The following TGFB1 variants were observed in gnomAD, a reference collection of about 807,000 sequenced individuals.
The protein encoded by TGFB1 is transforming growth factor beta-1 proprotein.
In TGFB1, 19 loss-of-function variants were observed where a neutral mutation model predicts 43.8. That is an observed-to-expected ratio of 0.43 (90% CI 0.30 to 0.64). TGFB1 has a LOEUF of 0.64. TGFB1 is among the 30% of genes least tolerant of loss of function. TGFB1 has a pLI of 0.11. For missense variants in TGFB1, 445 were observed against 529.8 expected, an observed-to-expected ratio of 0.84 and a Z score of 1.57; for synonymous variants, 221 against 236.3, an observed-to-expected ratio of 0.94 and a Z score of 0.60.
At position 41,332,139 on chromosome 19, in the gene TGFB1, G is replaced by T. The variant is rs1214074656; in HGVS notation, c.1003C>A (p.Gln335Lys). 6.2e-7 allele frequency: 1 copy of T among 1,613,814 alleles called. No individual in the cohort carries two copies. Among genetic ancestry groups the T allele is most frequent in the Non-Finnish European group, 8.5e-7 (1 of 1,179,856 alleles). The change falls in exon 6 of 7, where the codon CAG becomes AAG. Residue 335 changes from glutamine to lysine, a missense_variant. Physicochemically the swap from Gln to Lys is moderately conservative, Grantham distance 53. Coordinates refer to ENST00000221930, the MANE Select transcript of TGFB1 (RefSeq NM_000660.7). ...PCPYIWSLDT[Q>K]YSKVLALYNQ... ...TGGGCCAGACGTACCTTGCTGTACT[G>T]CGTGTCCAGGCTCCAAATGTAGGGG...
intron 1 of TGFB1, among the ~76,000 whole-genome samples, chr19:41,350,454 C>T (rs530570081): frequency 7.5e-4 from 114 of 151,862 alleles, no homozygotes; most frequent in Admixed American, 2.2e-3. Context: ...ACAGGCGCCG[C>T]CCGCCACCCC....
At chr19:41,340,746 G>T (rs369933319) in intron 5 of TGFB1, among the ~76,000 whole-genome samples, 2 of 152,094 alleles carry the variant, frequency 1.3e-5, no homozygotes, top group Non-Finnish European at 1.5e-5. Flanking sequence ...AATATTCAAG[G>T]ACTCCAATCT....
In TGFB1 at chr19:41,352,920, T is replaced by A; in HGVS notation, c.125A>T (p.Lys42Met). 6.4e-7 allele frequency: 1 copy of A among 1,557,454 alleles called. No individual in the cohort carries two copies. Among genetic ancestry groups the A allele is most frequent in the Non-Finnish European group, 8.7e-7 (1 of 1,152,360 alleles). Reference sequence around the variant, plus strand: ...GCGGATGGCCTCGATGCGCTTCCGCTTCACCAGCTCCATGTCGATAGTCTT... The same window carrying A: ...GCGGATGGCCTCGATGCGCTTCCGCATCACCAGCTCCATGTCGATAGTCTT... ...TCKTIDMELV[K>M]RKRIEAIRGQ... is the part of the protein sequence containing the mutation. The change falls in exon 1 of 7, where the codon AAG becomes ATG. Residue 42 changes from lysine (K) to methionine (M), a missense_variant. This residue lies in a region of TGFB1 where 366 missense variants were observed against 428.8 expected (regional missense o/e 0.85). Transcript: ENST00000221930.
intron 5 of TGFB1, among the ~76,000 whole-genome samples, chr19:41,338,987 C>T (rs1158782729): frequency 7.2e-6 from 1 of 139,744 alleles, no homozygotes; most frequent in Non-Finnish European, 1.6e-5. Context: ...TGTGTGTGTG[C>T]TTTCCCCTTC....
intron 5 of TGFB1, among the ~76,000 whole-genome samples, chr19:41,339,850 C>T (rs1239339844): frequency 6.6e-6 from 1 of 152,032 alleles, no homozygotes; most frequent in Non-Finnish European, 1.5e-5. Flanking sequence ...TGTTCATTGA[C>T]AGCGTTGCTG....
intron 1 of TGFB1, chr19:41,350,710 G>C (rs1372889136): frequency 6.6e-6 from 1 of 152,328 alleles, no homozygotes; most frequent in Non-Finnish European, 1.5e-5. Flanking sequence ...CCCATAGTGG[G>C]GGTGTGAAAA....
At chr19:41,347,023 G>A (rs561093512) in intron 2 of TGFB1, among the ~76,000 whole-genome samples, 12 of 150,690 alleles carry the variant, frequency 8.0e-5, no homozygotes, top group African/African-American at 2.9e-4. Flanking sequence ...ACCACGCCTG[G>A]CCTATATATA....
Position 41,353,837 on chromosome 19 carries a change from GC to G in TGFB1, c.-794del. 1 of 154,720 alleles carries G rather than the reference GC, an allele frequency of 6.5e-6. No individual in the cohort carries two copies. Among genetic ancestry groups the G allele is most frequent in the East Asian group, 1.9e-4 (1 of 5,264 alleles). The allele number at this position is 154,720 out of a possible 1,614,324, so 9.6% of individuals were successfully genotyped here. A position where few individuals can be genotyped will look rare whatever the true frequency, so the allele number is the denominator to read the frequency against. ...GTGCCCCGGACGGGGCGTCCCCCCT[GC>G]CCCCGGCCGGGGCCCTCGCTGTCTG... On this transcript the variant is annotated 5_prime_UTR_variant, in exon 1 of 7. Transcript: ENST00000221930. The surrounding 1 kb of genome is among the most constrained non-coding windows in gnomAD (Gnocchi z 5.9).
intron 3 of TGFB1, among the ~76,000 whole-genome samples, chr19:41,343,259 C>T (rs995665805): frequency 3.9e-5 from 6 of 152,020 alleles, no homozygotes; most frequent in South Asian, 2.1e-4. Flanking sequence ...CTCAGCCTCC[C>T]GAGTAGCTGG....
At chr19:41,331,261 C>T in intron 6 of TGFB1, 51 bp from the exon 7 acceptor site, 1 of 1,455,362 alleles carries the variant, frequency 6.9e-7, no homozygotes, top group Non-Finnish European at 9.1e-7. Flanking sequence ...GGGAGGAAAA[C>T]GGCCCTCCAC....
In TGFB1 at chr19:41,340,976, A is replaced by C. The variant is rs111268243; in HGVS notation, c.860+907T>G. On this transcript the variant is annotated intron_variant, in intron 5 of 6. Transcript: ENST00000221930. ...TAGGGATTCAAGATGGTGACCTTCC[A>C]ACTTTGAATTCCAACAATCACAGGG... is the stretch of plus-strand genomic sequence containing the variant. Among the ~76,000 whole-genome samples, 12 of 152,262 alleles carry C rather than the reference A, an allele frequency of 7.9e-5. 1 individual carries two copies. The highest frequency in any genetic ancestry group is 2.9e-4 in the African/African-American group (12 of 41,556).
At chr19:41,348,259 C>G in intron 2 of TGFB1, 36 bp downstream of exon 2, 1 of 1,610,178 alleles carries the variant, frequency 6.2e-7, no homozygotes, top group Non-Finnish European at 8.5e-7. Context: ...CCTCTCCAGC[C>G]CATGCCCTGA....
chr19:41,343,789 C>T lies in TGFB1; in HGVS notation c.634+958G>A, dbSNP rs11466330. Reference sequence around the variant, plus strand: ...ACACCACCCAGCACATGGCCAGGCACACAGCAGGAACCTGTGGGCAATTAT... The same window carrying T: ...ACACCACCCAGCACATGGCCAGGCATACAGCAGGAACCTGTGGGCAATTAT... On this transcript the variant is annotated intron_variant, in intron 3 of 6. Transcript: ENST00000221930. Among the ~76,000 whole-genome samples, 1,314 of 147,606 alleles carry T rather than the reference C, an allele frequency of 8.9e-3. 25 individuals are homozygous for T. The highest frequency in any genetic ancestry group is 0.077 in the South Asian group (362 of 4,688).
chr19:41,343,490 A>G (rs2038082111), intron 3 of TGFB1, among the ~76,000 whole-genome samples: 1 of 151,924 alleles, frequency 6.6e-6, no homozygotes, highest in Non-Finnish European at 1.5e-5. Context: ...GAGTCTCCAC[A>G]CAATCACCCT....
At chr19:41,346,360 C>CA (rs970523797) in intron 2 of TGFB1, among the ~76,000 whole-genome samples, 6 of 151,760 alleles carry the variant, frequency 4.0e-5, no homozygotes, top group Admixed American at 6.6e-5. Flanking sequence ...CACACACACA[C>CA]AAAAAAAAGA....
chr19:41,343,861 C>T (rs760844149), intron 3 of TGFB1, among the ~76,000 whole-genome samples: 12 of 128,400 alleles, frequency 9.3e-5, no homozygotes, highest in East Asian at 3.9e-4. Context: ...GAGATAGGGG[C>T]ACCATGGGCC....
intron 2 of TGFB1, 68 bp downstream of exon 2, chr19:41,348,227 C>A: frequency 6.3e-7 from 1 of 1,594,606 alleles, no homozygotes; most frequent in South Asian, 1.1e-5. Context: ...GACCCACAGC[C>A]ACCCCCTTGG....
At chr19:41,341,663 G>A (rs2123097703) in intron 5 of TGFB1, among the ~76,000 whole-genome samples, 1 of 152,096 alleles carries the variant, frequency 6.6e-6, no homozygotes, top group African/African-American at 2.4e-5. Context: ...ACCTGCCTCA[G>A]CCTCCCAAAG....
chr19:41,352,174 T>C (rs1036366593), intron 1 of TGFB1, among the ~76,000 whole-genome samples: 10 of 152,054 alleles, frequency 6.6e-5, no homozygotes, highest in African/African-American at 2.2e-4. Context: ...CTCACTTTCC[T>C]GGCACCCTCT....
Sources: gnomAD v4.1 joint callset for allele counts (sites outside exome capture counted in the v4.1 genomes callset) on GRCh38, gnomAD v4.1.1 for gene constraint, gnomAD v4.1.1 regional missense constraint, Gnocchi (gnomAD v3.1) non-coding constraint, MANE v1.5 for transcripts, NCBI Gene and HGNC (gene_info 2026-07-23, HGNC 2026-07-21) for gene names.